The following HDAC9 variants were observed in gnomAD, a reference collection of about 807,000 sequenced individuals.
HDAC9 encodes the protein histone deacetylase 9.
Under a neutral mutation model 139.4 loss-of-function variants are expected in HDAC9, and 41 were observed. That is an observed-to-expected ratio of 0.29 (90% CI 0.23 to 0.38). The LOEUF (loss-of-function observed/expected upper bound fraction) is 0.38. HDAC9 is among the 10% of genes least tolerant of loss of function. The pLI is 1.00. For synonymous variants in HDAC9, 517 were observed against 476.2 expected, an observed-to-expected ratio of 1.09 and a Z score of -1.12; for missense variants, 1,147 against 1,297.0, an observed-to-expected ratio of 0.88 and a Z score of 1.78.
At chr7:18,664,661 C>T (rs949060324) in intron 11 of HDAC9, among the ~76,000 whole-genome samples, 1 of 152,018 alleles carries the variant, frequency 6.6e-6, no homozygotes, top group Non-Finnish European at 1.5e-5. Flanking sequence ...ATGTAACTTA[C>T]TCCTTTCCAT....
intron 1 of HDAC9, among the ~76,000 whole-genome samples, chr7:18,425,412 G>A (rs117271822): frequency 6.6e-6 from 1 of 152,300 alleles, no homozygotes; most frequent in Non-Finnish European, 1.5e-5. Context: ...GCTGAAGGTG[G>A]CATGACACAT....
At position 18,590,401 on chromosome 7, in the gene HDAC9, G is replaced by A. The variant is rs1265491149; in HGVS notation, c.330G>A (p.Glu110=). The change falls in exon 4 of 26, where the codon GAG becomes GAA. Residue 110 remains glutamate (E), a synonymous_variant. Transcript: ENST00000686413. ...TCCTAGAAAAGGAGCAGAAACTGGA[G>A]CAGCAGAGGCAAGAACAGGAAGTAG... is the stretch of plus-strand genomic sequence containing the variant. ...QELLEKEQKL[E]QQRQEQEVER... 1 of 1,610,306 alleles carries A rather than the reference G, an allele frequency of 6.2e-7. No individual in the cohort carries two copies. The highest frequency in any genetic ancestry group is 1.3e-5 in the African/African-American group (1 of 74,958).
At chr7:18,883,325 A>G (rs1296652594) in intron 22 of HDAC9, among the ~76,000 whole-genome samples, 1 of 152,164 alleles carries the variant, frequency 6.6e-6, no homozygotes. Flanking sequence ...AAAACACATT[A>G]AAAGGTTCAT....
intron 1 of HDAC9, among the ~76,000 whole-genome samples, chr7:18,425,572 A>T (rs149258496): frequency 7.4e-4 from 112 of 152,302 alleles, no homozygotes; most frequent in African/African-American, 2.4e-3. Context: ...TTAACATTTA[A>T]CTAAGTCTTA....
chr7:18,866,659 A>C lies in HDAC9; in HGVS notation c.2685-7819A>C, dbSNP rs73071770. Among the ~76,000 whole-genome samples, 384 of 152,330 alleles carry C rather than the reference A, an allele frequency of 2.5e-3. 9 individuals are homozygous for C. The highest frequency in any genetic ancestry group is 2.9e-3 in the Non-Finnish European group (198 of 68,026). On this transcript the variant is annotated intron_variant, in intron 21 of 25. Coordinates refer to ENST00000686413, the MANE Select transcript of HDAC9 (RefSeq NM_178425.4). ...TAAATTACTTCTAAATGAATATAAA[A>C]ATATTGTTGAGTAACTTTATAAGTT...
At chr7:18,313,766 G>A (rs921696405) in intron 1 of HDAC9, among the ~76,000 whole-genome samples, 1 of 152,060 alleles carries the variant, frequency 6.6e-6, no homozygotes, top group Non-Finnish European at 1.5e-5. Flanking sequence ...TTCTTCCTTT[G>A]TTAAATCATG....
At chr7:18,321,747 T>C (rs565406161) in intron 1 of HDAC9, among the ~76,000 whole-genome samples, 2 of 152,272 alleles carry the variant, frequency 1.3e-5, no homozygotes, top group Non-Finnish European at 2.9e-5. Context: ...TCCAATCAAA[T>C]TGTATAGTGT....
At chr7:18,315,914 T>G (rs1433405758) in intron 1 of HDAC9, among the ~76,000 whole-genome samples, 1 of 152,220 alleles carries the variant, frequency 6.6e-6, no homozygotes, top group East Asian at 1.9e-4. Context: ...TTTGCAATTG[T>G]CTTTTTCTAT....
intron 2 of HDAC9, among the ~76,000 whole-genome samples, chr7:18,512,525 T>C (rs1361631747): frequency 1.3e-5 from 2 of 152,186 alleles, no homozygotes; most frequent in Non-Finnish European, 2.9e-5. Context: ...GAAGACTACA[T>C]CTTTAAAAAG....
At chr7:18,301,783 A>C (rs1380162439) in intron 1 of HDAC9, among the ~76,000 whole-genome samples, 1 of 152,198 alleles carries the variant, frequency 6.6e-6, no homozygotes, top group Non-Finnish European at 1.5e-5. Flanking sequence ...CATGTTTAAT[A>C]ATGAGAATGA....
intron 8 of HDAC9, among the ~76,000 whole-genome samples, chr7:18,637,219 G>T (rs6956139): frequency 0.12 from 18,670 of 151,920 alleles, 1,411 homozygotes; most frequent in East Asian, 0.33. Flanking sequence ...TACCTTTCAG[G>T]GGGGAAGAAG....
chr7:18,718,007 A>G (rs1005835083), intron 12 of HDAC9, among the ~76,000 whole-genome samples: 1 of 152,158 alleles, frequency 6.6e-6, no homozygotes, highest in Non-Finnish European at 1.5e-5. Context: ...ACTCATTTCT[A>G]TGTACAATTC....
intron 1 of HDAC9, among the ~76,000 whole-genome samples, chr7:18,145,685 A>G (rs1394715084): frequency 6.6e-6 from 1 of 152,208 alleles, no homozygotes; most frequent in Non-Finnish European, 1.5e-5. Flanking sequence ...GTATATTTTA[A>G]CTTAATATAA....
chr7:18,741,476 T>G (rs550614805), intron 13 of HDAC9, among the ~76,000 whole-genome samples: 7 of 152,170 alleles, frequency 4.6e-5, no homozygotes, highest in Non-Finnish European at 2.9e-5. Context: ...ATTTTTAGAC[T>G]TACTGCTCAG....
intron 2 of HDAC9, among the ~76,000 whole-genome samples, chr7:18,510,909 T>C (rs1801311390): frequency 6.6e-6 from 1 of 152,214 alleles, no homozygotes; most frequent in African/African-American, 2.4e-5. Flanking sequence ...TGCTCTATTT[T>C]ATCCTTAAAA....
chr7:18,930,378 G>C (rs375749589), intron 22 of HDAC9, among the ~76,000 whole-genome samples: 1 of 151,994 alleles, frequency 6.6e-6, no homozygotes. Flanking sequence ...CTTTAATGAA[G>C]CTAGAAGTAA....
intron 2 of HDAC9, among the ~76,000 whole-genome samples, chr7:18,235,054 T>C (rs1327782428): frequency 6.6e-6 from 1 of 152,178 alleles, no homozygotes; most frequent in Non-Finnish European, 1.5e-5. Flanking sequence ...AGATTCTTCT[T>C]AGGGGTAGGG....
At chr7:18,540,029 G>A (rs943420889) in intron 2 of HDAC9, among the ~76,000 whole-genome samples, 7 of 150,710 alleles carry the variant, frequency 4.6e-5, no homozygotes, top group African/African-American at 7.3e-5. Context: ...AGACTGAGGC[G>A]GGTGGATCAC....
At position 18,474,128 on chromosome 7, in the gene HDAC9, T is replaced by A. The variant is rs1794932454; in HGVS notation, c.-41-22134T>A. On this transcript the variant is annotated intron_variant, in intron 1 of 3. Coordinates refer to the HDAC9 transcript ENST00000413509. ...ATGCTGATTGTGAGCCTTGGTAATC[T>A]CTCTCAACTTTTCTATGTGCATACA... 2.6e-5 allele frequency among the ~76,000 whole-genome samples: 4 copies of A among 152,298 alleles called. No homozygotes were observed. In the South Asian group the frequency reaches 8.3e-4, roughly 32 times the overall value.
Sources: allele counts gnomAD v4.1 joint callset (sites outside exome capture counted in the v4.1 genomes callset), GRCh38; gene constraint gnomAD v4.1.1; transcripts MANE v1.5; gene names NCBI Gene and HGNC (gene_info 2026-07-23, HGNC 2026-07-21).